NIBAN2: variants seen among roughly 807,000 people sequenced by gnomAD.
The protein encoded by NIBAN2 is niban apoptosis regulator 2, also known as protein Niban 2.
A neutral mutation model predicts 81.8 loss-of-function variants in NIBAN2; 36 were observed. That is an observed-to-expected ratio of 0.44 (90% CI 0.34 to 0.58). NIBAN2 has a LOEUF of 0.58. Among genes scored for constraint, NIBAN2 ranks in the 20% least tolerant of loss-of-function variants. NIBAN2 has a pLI of 0.02. For missense variants in NIBAN2, 897 were observed against 1,014.1 expected (o/e 0.88, Z 1.57); for synonymous variants, 445 against 441.6 (o/e 1.01, Z -0.10).
chr9:127,519,346 T>A (rs938988285), intron 5 of NIBAN2, among the ~76,000 whole-genome samples: 1 of 151,986 alleles, frequency 6.6e-6, no homozygotes, highest in Non-Finnish European at 1.5e-5. Flanking sequence ...CGGGAGGCAA[T>A]TGGCAGGAAG....
chr9:127,521,570 C>T (rs1280115471), intron 5 of NIBAN2, among the ~76,000 whole-genome samples: 2 of 151,374 alleles, frequency 1.3e-5, no homozygotes, highest in Admixed American at 6.6e-5. Context: ...TTCCTGGCAG[C>T]CCCCGGAGTG....
At chr9:127,521,231 G>T (rs556513199) in intron 5 of NIBAN2, among the ~76,000 whole-genome samples, 25 of 152,346 alleles carry the variant, frequency 1.6e-4, no homozygotes, top group Non-Finnish European at 2.6e-4. Context: ...AAGAACTGAG[G>T]CTCAGAGAGG....
chr9:127,526,398 CAAA>C (rs71495649), intron 3 of NIBAN2, among the ~76,000 whole-genome samples: 1 of 92,582 alleles, frequency 1.1e-5, no homozygotes, highest in Non-Finnish European at 2.0e-5. Flanking sequence ...GACTTCATCT[CAAA>C]AAAAAAAAAA....
At chr9:127,532,193 G>C (rs1201481486) in intron 1 of NIBAN2, among the ~76,000 whole-genome samples, 1 of 152,208 alleles carries the variant, frequency 6.6e-6, no homozygotes, top group Admixed American at 6.5e-5. Context: ...TACCCCCATA[G>C]AACGATTCGC....
chr9:127,543,644 C>T (rs1837421166), intron 1 of NIBAN2, among the ~76,000 whole-genome samples: 1 of 152,172 alleles, frequency 6.6e-6, no homozygotes, highest in Non-Finnish European at 1.5e-5. Context: ...CCTTCCCATC[C>T]CCACACCCTG....
At chr9:127,544,476 CT>C (rs912495078) in intron 1 of NIBAN2, among the ~76,000 whole-genome samples, 1 of 151,844 alleles carries the variant, frequency 6.6e-6, no homozygotes, top group African/African-American at 2.4e-5. Context: ...GGCTGTTATT[CT>C]TTTTTTCTTT....
At position 127,517,012 on chromosome 9, in the gene NIBAN2, T is replaced by A. The variant is rs1360397846; in HGVS notation, c.818A>T (p.Asp273Val). The change falls in exon 8 of 14, where the codon GAC becomes GTC. Residue 273 changes from aspartate (D) to valine (V), a missense_variant. This residue lies in a region of NIBAN2 where 619 missense variants were observed against 691.0 expected (regional missense o/e 0.90). Transcript: ENST00000373312. The surrounding 1 kb of genome is among the most constrained non-coding windows in gnomAD (Gnocchi z 4.0). Reference sequence around the variant, plus strand: ...CTCGTACACCATGTGGTACACGGCGTCCGAGATCTGTGGGCAGAGCAGCTG... The same window carrying A: ...CTCGTACACCATGTGGTACACGGCGACCGAGATCTGTGGGCAGAGCAGCTG... ...ERQRQWIQIS[D>V]AVYHMVYEQA... 3.7e-6 allele frequency: 6 copies of A among 1,613,068 alleles called. No individual in the cohort carries two copies. In the African/African-American group the frequency reaches 8.0e-5, roughly 22 times the overall value.
At chr9:127,578,529 G>A (rs570293431) in intron 1 of NIBAN2, among the ~76,000 whole-genome samples, 2 of 152,004 alleles carry the variant, frequency 1.3e-5, no homozygotes, top group South Asian at 2.1e-4. Context: ...GGGCATGGCG[G>A]TGGGGCCCTG....
chr9:127,510,437 T>A, intron 8 of NIBAN2, 104 bp from the exon 9 acceptor site: 2 of 711,540 alleles, frequency 2.8e-6, no homozygotes, highest in Non-Finnish European at 4.1e-6. Context: ...TTATTATCAT[T>A]ATTATTATAT....
At chr9:127,515,586 C>G (rs1300179677) in intron 8 of NIBAN2, among the ~76,000 whole-genome samples, 4 of 151,302 alleles carry the variant, frequency 2.6e-5, no homozygotes, top group African/African-American at 9.7e-5. Context: ...CCTGTAATCC[C>G]AGCACTTTGG....
intron 9 of NIBAN2, chr9:127,509,793 T>TCCCTCCTTCCCTCTC (rs1836694415): frequency 3.7e-5 from 3 of 81,198 alleles, no homozygotes; most frequent in African/African-American, 1.0e-4. Context: ...CTTCCCTCCT[T>TCCCTCCTTCCCTCTC]CCCTCCTCTC....
chr9:127,545,741 A>G lies in NIBAN2; in HGVS notation c.56-13963T>C, dbSNP rs545008692. Among the ~76,000 whole-genome samples, 1 of 152,142 alleles carries G rather than the reference A, an allele frequency of 6.6e-6. No individual in the cohort carries two copies. The highest frequency in any genetic ancestry group is 2.4e-5 in the African/African-American group (1 of 41,424). ...GGCGGGAGCCCAGAGAAATGCACCC[A>G]AAAAAACGGGTGACCCAAAACCCGC... On this transcript the variant is annotated intron_variant, in intron 1 of 13. Transcript: ENST00000373312. This position sits in a 1 kb window ranked among gnomAD's most constrained non-coding sequence, Gnocchi z 4.7.
chr9:127,520,008 G>T (rs540669594), intron 5 of NIBAN2, among the ~76,000 whole-genome samples: 67 of 152,300 alleles, frequency 4.4e-4, no homozygotes, highest in African/African-American at 1.6e-3. Context: ...GAGGCAGAGG[G>T]CCGGGACAGC....
chr9:127,520,159 C>G (rs563799077), intron 5 of NIBAN2, among the ~76,000 whole-genome samples: 1 of 152,006 alleles, frequency 6.6e-6, no homozygotes, highest in African/African-American at 2.4e-5. Context: ...TGTCTCCACA[C>G]CCCCCAAATT....
At position 127,527,322 on chromosome 9, in the gene NIBAN2, C is replaced by T. The variant is rs1259071014; in HGVS notation, c.187G>A (p.Val63Met). 16 of 1,613,066 alleles carry T rather than the reference C, an allele frequency of 9.9e-6. No homozygotes were observed. Among genetic ancestry groups the T allele is most frequent in the East Asian group, 2.2e-5 (1 of 44,868 alleles). ...LPQAQLLWRKVPLDERIVFSG... is the reference protein window; with the variant it reads ...LPQAQLLWRKMPLDERIVFSG... Reference sequence around the variant, plus strand: ...AAGACGATGCGCTCGTCCAGTGGCACCTGTGGGCAGGAGCGGGTGGGGAGT... The same window carrying T: ...AAGACGATGCGCTCGTCCAGTGGCATCTGTGGGCAGGAGCGGGTGGGGAGT... The change falls in exon 3 of 14, where the codon GTG becomes ATG. Residue 63 changes from valine to methionine, a missense_variant and splice_region_variant. By Grantham distance (21) the Val-to-Met change is conservative. Transcript: ENST00000373312.
In NIBAN2 at chr9:127,536,311, G is replaced by A. The variant is rs910764867; in HGVS notation, c.56-4533C>T. Among the ~76,000 whole-genome samples the A allele has an allele frequency of 6.6e-6, 1 of 152,168 alleles. No homozygotes were observed. Among genetic ancestry groups the A allele is most frequent in the African/African-American group, 2.4e-5 (1 of 41,434 alleles). ...AAGGGCTTGCAGGGCCTTCCTGGCT[G>A]GACCCTGCTGGAAGAGGACCCAGGC... On this transcript the variant is annotated intron_variant, in intron 1 of 13. Coordinates refer to ENST00000373312, the MANE Select transcript of NIBAN2 (RefSeq NM_022833.4). The surrounding 1 kb of genome is among the most constrained non-coding windows in gnomAD (Gnocchi z 4.0).
At chr9:127,538,168 G>C (rs1388677553) in intron 1 of NIBAN2, among the ~76,000 whole-genome samples, 2 of 152,126 alleles carry the variant, frequency 1.3e-5, no homozygotes, top group African/African-American at 4.8e-5. Flanking sequence ...GTGGATCTCA[G>C]GGGGGCTCTG....
intron 1 of NIBAN2, among the ~76,000 whole-genome samples, chr9:127,548,578 G>A (rs1290225484): frequency 1.3e-5 from 2 of 152,168 alleles, no homozygotes; most frequent in African/African-American, 4.8e-5. Flanking sequence ...CTCCATGAGG[G>A]CTTTCCCGCT....
At chr9:127,549,699 G>A (rs1214305480) in intron 1 of NIBAN2, among the ~76,000 whole-genome samples, 2 of 152,214 alleles carry the variant, frequency 1.3e-5, no homozygotes, top group Admixed American at 1.3e-4. Context: ...TGTGCTTGCT[G>A]CTGGGCCAGA....
Sources: allele counts gnomAD v4.1 joint callset (sites outside exome capture counted in the v4.1 genomes callset), GRCh38; gene constraint gnomAD v4.1.1; regional missense constraint gnomAD v4.1.1; non-coding constraint Gnocchi (gnomAD v3.1); transcripts MANE v1.5; gene names NCBI Gene and HGNC (gene_info 2026-07-23, HGNC 2026-07-21).